The following ARHGEF40 variants were observed in gnomAD, a reference collection of about 807,000 sequenced individuals.
ARHGEF40 encodes the protein Rho guanine nucleotide exchange factor 40, also known as Rho guanine nucleotide exchange factor (GEF) 40.
ARHGEF40 carries 98 observed loss-of-function variants against 165.9 expected under a neutral mutation model. The observed-to-expected ratio is 0.59, with a 90% CI of 0.50 to 0.70. The LOEUF is 0.70. Among genes scored for constraint, ARHGEF40 ranks in the 30% least tolerant of loss-of-function variants. The pLI is 0.00. For missense variants in ARHGEF40, 1,815 were observed against 1,968.0 expected (o/e 0.92, Z 1.47); for synonymous variants, 792 against 814.3 (o/e 0.97, Z 0.47).
chr14:21,081,683 G>A lies in ARHGEF40; in HGVS notation c.2815G>A (p.Gly939Ser). The change falls in exon 14 of 24, where the codon GGC becomes AGC. Residue 939 changes from glycine to serine, a missense_variant. Physicochemically the swap from Gly to Ser is moderately conservative, Grantham distance 56 (BLOSUM62 0). Transcript: ENST00000298694. ...CAGCCCAGCAGCCCTGCGAGAATGG[G>A]GCCGCTGCCAGGCCCGCTGCCAAGA... ...LGSPAALREW[G>S]RCQARCQELE... is the part of the protein sequence containing the mutation. 2 of 1,591,284 alleles carry A rather than the reference G, an allele frequency of 1.3e-6. No homozygotes were observed. Among genetic ancestry groups the A allele is most frequent in the Non-Finnish European group, 1.7e-6 (2 of 1,169,206 alleles).
Position 21,082,126 on chromosome 14 carries a change from T to G in ARHGEF40, c.3251+7T>G. 14 of 1,562,740 alleles carry G rather than the reference T, an allele frequency of 9.0e-6. No individual in the cohort carries two copies. The highest frequency in any genetic ancestry group is 1.2e-5 in the Non-Finnish European group (14 of 1,152,968). ...AGCGCAAGCGAAGCATCAGGTGAGA[T>G]CCCAGCCCAACTGGTGCTAAGAGGC... On this transcript the variant is annotated splice_region_variant and intron_variant, in intron 14 of 23. Coordinates refer to ENST00000298694, the MANE Select transcript of ARHGEF40 (RefSeq NM_018071.5).
chr14:21,083,263 C>T (rs56182310), intron 16 of ARHGEF40, among the ~76,000 whole-genome samples: 2,138 of 152,074 alleles, frequency 0.014, 51 homozygotes, highest in African/African-American at 0.048. Context: ...AGGCAGTGGC[C>T]GGGCGCGGTG....
intron 5 of ARHGEF40, 134 bp from the exon 6 acceptor site, chr14:21,076,226 T>C (rs1819605450): frequency 1.3e-6 from 1 of 755,266 alleles, no homozygotes; most frequent in Non-Finnish European, 2.2e-6. Context: ...GCCCATTTCT[T>C]CCCAAATGTA....
At chr14:21,087,880 GC>G (rs1429173402) in intron 21 of ARHGEF40, 87 bp from the exon 22 acceptor site, 1 of 1,579,224 alleles carries the variant, frequency 6.3e-7, no homozygotes. Flanking sequence ...TTGCTATGGA[GC>G]TTTTTCTTCC....
At chr14:21,067,358 T>C (rs1283427275), upstream of ARHGEF40, among the ~76,000 whole-genome samples, 1 of 152,154 alleles carries the variant, frequency 6.6e-6, no homozygotes, top group African/African-American at 2.4e-5. Flanking sequence ...AAAAACAAAT[T>C]TAACTTTTTT....
At position 21,075,138 on chromosome 14, in the gene ARHGEF40, G is replaced by A. The variant is rs549880680; in HGVS notation, c.1408G>A (p.Gly470Arg). ...EACGPTEEGA[G>R]ERELEGPGLL... is the part of the protein sequence containing the mutation. ...CTGTGGGCCTACAGAAGAGGGGGCC[G>A]GAGAGAGAGAGCTGGAGGGGCCAGG... is the stretch of plus-strand genomic sequence containing the variant. Residue 470 changes from glycine to arginine, a missense_variant, in exon 3 of 24, where the codon GGA becomes AGA. Physicochemically the swap from Gly to Arg is moderately radical, Grantham distance 125. Transcript: ENST00000298694. This position sits in a 1 kb window ranked among gnomAD's most constrained non-coding sequence, Gnocchi z 4.5. 2.7e-4 allele frequency: 437 copies of A among 1,611,292 alleles called. 6 individuals are homozygous for A. The South Asian group carries it at 4.2e-3, about 16-fold the overall frequency.
At position 21,075,704 on chromosome 14, in the gene ARHGEF40, G is replaced by A; in HGVS notation, c.1678G>A (p.Glu560Lys). Residue 560 changes from glutamate (E) to lysine (K), a missense_variant, in exon 5 of 24, where the codon GAG (glutamate) becomes AAG (lysine). Transcript: ENST00000298694. The surrounding 1 kb of genome is among the most constrained non-coding windows in gnomAD (Gnocchi z 4.5). ...CATTACCCCACCGTGCCCTCCTGAG[G>A]AGCCCCCACCCTCCCGAGACACGCT... The part of the protein sequence containing the change: ...LTITPPCPPE[E>K]PPPSRDTLNT... 6.2e-7 allele frequency: 1 copy of A among 1,613,728 alleles called. No individual in the cohort carries two copies. Among genetic ancestry groups the A allele is most frequent in the East Asian group, 2.2e-5 (1 of 44,876 alleles).
rs929353885 is a variant in ARHGEF40 at position 21,089,360 on chromosome 14, C to T, written c.*352C>T. On this transcript the variant is annotated 3_prime_UTR_variant, in exon 24 of 24. Coordinates refer to ENST00000298694, the MANE Select transcript of ARHGEF40 (RefSeq NM_018071.5). ...CCCATGTTCTCCTCTTTTCTCACCC[C>T]CTGACTTTCCCTGAGAAGAATCATC... 4 of 154,356 alleles carry T rather than the reference C, an allele frequency of 2.6e-5. No individual in the cohort carries two copies. The Admixed American group carries it at 2.6e-4, about 10-fold the overall frequency. 9.6% of individuals were successfully genotyped at this position (154,356 alleles called of 1,614,324 possible). A position where few individuals can be genotyped will look rare whatever the true frequency, so the allele number is the denominator to read the frequency against.
At chr14:21,088,723 G>T in intron 22 of ARHGEF40, 107 bp from the exon 23 acceptor site, 2 of 1,188,742 alleles carry the variant, frequency 1.7e-6, no homozygotes, top group Non-Finnish European at 2.4e-6. Context: ...AAGGATTTTG[G>T]GTAGGAAAGA....
rs776770423 is a variant in ARHGEF40, at chr14:21,073,205, C to G, written c.164C>G (p.Ala55Gly). 1 of 1,613,568 alleles carries G rather than the reference C, an allele frequency of 6.2e-7. No homozygotes were observed. Among genetic ancestry groups the G allele is most frequent in the Non-Finnish European group, 8.5e-7 (1 of 1,179,894 alleles). The change falls in exon 2 of 24, where the codon GCC becomes GGC. Residue 55 changes from alanine to glycine, a missense_variant. Transcript: ENST00000298694. This position sits in a 1 kb window ranked among gnomAD's most constrained non-coding sequence, Gnocchi z 4.6. ...TACACGCTGGACTTCCTGGTACCAGCCAAGCACCTGCTTGCCAAGGTCCAG... is the reference window on the plus strand; with the variant it reads ...TACACGCTGGACTTCCTGGTACCAGGCAAGCACCTGCTTGCCAAGGTCCAG... ...LRYTLDFLVP[A>G]KHLLAKVQQE...
upstream of ARHGEF40, among the ~76,000 whole-genome samples, chr14:21,069,214 C>T (rs190878733): frequency 8.3e-4 from 126 of 152,358 alleles, no homozygotes; most frequent in Admixed American, 6.6e-3. Flanking sequence ...GGGAGACCCC[C>T]CATCTGGCCT....
intron 19 of ARHGEF40, 94 bp from the exon 20 acceptor site, chr14:21,086,907 G>GAC: frequency 1.4e-6 from 1 of 724,226 alleles, no homozygotes; most frequent in Non-Finnish European, 2.0e-6. Flanking sequence ...GGGAAGGAAC[G>GAC]AAAAAAAAAA....
intron 20 of ARHGEF40, 55 bp downstream of exon 20, chr14:21,087,160 G>A: frequency 1.9e-6 from 3 of 1,595,884 alleles, no homozygotes; most frequent in Non-Finnish European, 2.6e-6. Flanking sequence ...TTGACAATGA[G>A]GATACAAAGG....
rs189721874 is a variant in ARHGEF40, at chr14:21,081,128, C to A, written c.2640+112C>A. 3 of 1,497,134 alleles carry A rather than the reference C, an allele frequency of 2.0e-6. No homozygotes were observed. The African/African-American group carries it at 4.2e-5, about 21-fold the overall frequency. 92.7% of individuals were successfully genotyped at this position (1,497,134 alleles called of 1,614,324 possible). Reference sequence around the variant, plus strand: ...AAGTGGAGGCTGAGGGGCCCATCTCCTAGGTTTTTGCTCTTAGCTCTGCCA... The same window carrying A: ...AAGTGGAGGCTGAGGGGCCCATCTCATAGGTTTTTGCTCTTAGCTCTGCCA... On this transcript the variant is annotated intron_variant, in intron 13 of 23. Coordinates refer to ENST00000298694, the MANE Select transcript of ARHGEF40 (RefSeq NM_018071.5).
intron 11 of ARHGEF40, among the ~76,000 whole-genome samples, chr14:21,079,287 T>TG (rs1297029376): frequency 1.3e-5 from 2 of 152,214 alleles, no homozygotes; most frequent in Non-Finnish European, 2.9e-5. Context: ...TAGGGGATTC[T>TG]GAAGAGCTGA....
chr14:21,079,346 T>C (rs1347918228), intron 11 of ARHGEF40, among the ~76,000 whole-genome samples: 1 of 152,172 alleles, frequency 6.6e-6, no homozygotes, highest in Admixed American at 6.5e-5. Context: ...TAAAAGTCTA[T>C]TGATACCAGC....
intron 21 of ARHGEF40, chr14:21,087,700 T>C (rs1197835805): frequency 1.4e-6 from 1 of 700,550 alleles, no homozygotes; most frequent in Admixed American, 2.9e-5. Context: ...CTTGGGTTTC[T>C]ATGGAAACTG....
chr14:21,090,046 C>T lies in ARHGEF40; in HGVS notation c.*1038C>T. ...TGACAGAAGGACCCAAAGAGGGAAG[C>T]AGGACATAGGTAGGCAGACAGACAC... On this transcript the variant is annotated 3_prime_UTR_variant, in exon 24 of 24. Transcript: ENST00000298694. The surrounding 1 kb of genome is among the most constrained non-coding windows in gnomAD (Gnocchi z 4.4). 1 of 270,204 alleles carries T rather than the reference C, an allele frequency of 3.7e-6. No homozygotes were observed. The highest frequency in any genetic ancestry group is 7.6e-6 in the Non-Finnish European group (1 of 131,050). The allele number at this position is 270,204 out of a possible 1,614,324, so 16.7% of individuals were successfully genotyped here.
chr14:21,071,323 G>A (rs1461933260), intron 1 of ARHGEF40, among the ~76,000 whole-genome samples: 1 of 152,188 alleles, frequency 6.6e-6, no homozygotes, highest in African/African-American at 2.4e-5. Flanking sequence ...AGCGCCCACT[G>A]CAAAGAGGGC....
Sources: allele counts gnomAD v4.1 joint callset (sites outside exome capture counted in the v4.1 genomes callset), GRCh38; gene constraint gnomAD v4.1.1; non-coding constraint Gnocchi (gnomAD v3.1); transcripts MANE v1.5; gene names NCBI Gene and HGNC (gene_info 2026-07-23, HGNC 2026-07-21).